DDX3Y: variants seen among roughly 807,000 people sequenced by gnomAD.
The protein encoded by DDX3Y is DEAD-box helicase 3 Y-linked.
Under a neutral mutation model 15.1 loss-of-function variants are expected in DDX3Y, and 2 were observed. The ratio of observed to expected loss-of-function variants is 0.13; its 90% confidence interval spans 0.05 to 0.42. DDX3Y has a LOEUF of 0.42. DDX3Y is among the 10% of genes least tolerant of loss of function. DDX3Y has a pLI of 0.99. For synonymous variants in DDX3Y, 47 were observed against 45.0 expected, an observed-to-expected ratio of 1.04 and a Z score of -0.18; for missense variants, 81 against 149.9, an observed-to-expected ratio of 0.54 and a Z score of 2.40.
chrY:12,909,222 T>A, intron 2 of DDX3Y, 138 bp from the exon 3 acceptor site: 1 of 165,656 alleles, frequency 6.0e-6, no homozygotes, highest in Non-Finnish European at 1.1e-5. Context: ...TTTTTTCCGC[T>A]CATCTTGCAA....
At position 12,918,416 on chromosome Y, in the gene DDX3Y, T is replaced by C; in HGVS notation, c.*294T>C. The stretch of plus-strand genomic sequence containing the variant: ...AATTTTGTGACTGAGGATCGTTTGT[T>C]TGTTAACGTACTGTGACTTTAACTT... On this transcript the variant is annotated 3_prime_UTR_variant, in exon 17 of 17. Coordinates refer to ENST00000336079, the MANE Select transcript of DDX3Y (RefSeq NM_004660.5). The C allele has an allele frequency of 1.9e-5, 1 of 51,780 alleles. No individual in the cohort carries two copies. Among genetic ancestry groups the C allele is most frequent in the Non-Finnish European group, 4.1e-5 (1 of 24,428 alleles). The allele number at this position is 51,780 out of a possible 400,897, so 12.9% of individuals were successfully genotyped here.
intron 3 of DDX3Y, among the ~76,000 whole-genome samples, chrY:12,911,101 G>T (rs2053626185): frequency 3.1e-5 from 1 of 32,110 alleles, no homozygotes; most frequent in African/African-American, 1.2e-4. Flanking sequence ...TTTTAGTAGA[G>T]ACGGGGTTTC....
Position 12,918,877 on chromosome Y carries a change from T to C in DDX3Y, c.*755T>C, listed in dbSNP as rs2053659095. The C allele has an allele frequency of 3.0e-5, 1 of 33,405 alleles. No homozygotes were observed. The highest frequency in any genetic ancestry group is 7.4e-5 in the Non-Finnish European group (1 of 13,558). 8.3% of individuals were successfully genotyped at this position (33,405 alleles called of 400,897 possible). On this transcript the variant is annotated 3_prime_UTR_variant, in exon 17 of 17. Coordinates refer to ENST00000336079, the MANE Select transcript of DDX3Y (RefSeq NM_004660.5). ...AATTTAAGTACAGCAATTTCTCATG[T>C]AATGTTTAGGGAGTTTATTCTAACC...
intron 1 of DDX3Y, 97 bp downstream of exon 1, chrY:12,905,078 T>G: frequency 3.9e-6 from 1 of 257,397 alleles, no homozygotes; most frequent in Non-Finnish European, 6.3e-6. Flanking sequence ...GTTTCACTTC[T>G]GGTGGGTTCG....
intron 1 of DDX3Y, 115 bp downstream of exon 1, chrY:12,905,096 T>C: frequency 4.7e-6 from 1 of 212,132 alleles, no homozygotes; most frequent in South Asian, 3.7e-5. Context: ...TCGTGTGTTA[T>C]GTGACTGGGA....
At chrY:12,915,267 A>G in intron 10 of DDX3Y, 40 bp downstream of exon 10, 1 of 374,487 alleles carries the variant, frequency 2.7e-6, no homozygotes, top group Non-Finnish European at 3.8e-6. Flanking sequence ...CTATTTCTGT[A>G]TTAAAAGTTG....
Position 12,904,925 on chromosome Y carries a change from T to C in DDX3Y, c.-12T>C. 1 of 397,290 alleles carries C rather than the reference T, an allele frequency of 2.5e-6. No homozygotes were observed. ...TACAGTGGACTACCCGATTTTTCGC[T>C]TCTCTTCAGGGATGAGTCATGTGGT... On this transcript the variant is annotated 5_prime_UTR_variant, in exon 1 of 17. Transcript: ENST00000336079.
Position 12,917,501 on chromosome Y carries a change from G to C in DDX3Y, c.1862G>C (p.Ser621Thr), listed in dbSNP as rs200975071. 7.9e-4 allele frequency: 312 copies of C among 395,647 alleles called. No individual in the cohort carries two copies. The highest frequency in any genetic ancestry group is 1.0e-3 in the Non-Finnish European group (289 of 282,670). ...FGASRGSSSR[S>T]GGGGYGNSRG... ...GCTAGTCGCGGAAGCAGCAGCCGCA[G>C]TGGTGGAGGTGGTTACGGCAACAGC... Residue 621 changes from serine to threonine, a missense_variant, in exon 16 of 17, where the codon AGT becomes ACT. Transcript: ENST00000336079.
Position 12,909,353 on chromosome Y carries a change from C to T in DDX3Y, c.104-7C>T. 2.6e-6 allele frequency: 1 copy of T among 391,093 alleles called. No individual in the cohort carries two copies. ...ATAGGCTTCTAATTTTACATTTTCTCTTTTAGAAGGGCGCTATATACCTCC... is the reference window on the plus strand; with the variant it reads ...ATAGGCTTCTAATTTTACATTTTCTTTTTTAGAAGGGCGCTATATACCTCC... On this transcript the variant is annotated splice_region_variant and splice_polypyrimidine_tract_variant and intron_variant, in intron 2 of 16. Transcript: ENST00000336079.
intron 1 of DDX3Y, among the ~76,000 whole-genome samples, chrY:12,906,957 A>G (rs1603206246): frequency 3.1e-5 from 1 of 32,370 alleles, no homozygotes; most frequent in East Asian, 7.9e-4. Context: ...AATAAATGCT[A>G]CCATCTCCAT....
At chrY:12,906,144 G>A (rs2053610864) in intron 1 of DDX3Y, among the ~76,000 whole-genome samples, 1 of 33,321 alleles carries the variant, frequency 3.0e-5, no homozygotes, top group Non-Finnish European at 7.4e-5. Context: ...AACCTACCGC[G>A]CTTTTGCATT....
chrY:12,914,433 A>T (rs956217118), intron 7 of DDX3Y, 131 bp from the exon 8 acceptor site: 4 of 161,261 alleles, frequency 2.5e-5, no homozygotes, highest in Non-Finnish European at 3.5e-5. Context: ...TAGGTTTGCC[A>T]TATAAATTTA....
At chrY:12,907,671 A>C in intron 2 of DDX3Y, 77 bp downstream of exon 2, 1 of 168,356 alleles carries the variant, frequency 5.9e-6, no homozygotes, top group Non-Finnish European at 9.6e-6. Flanking sequence ...GTTAATTTTA[A>C]ATTTACATTT....
In DDX3Y at chrY:12,920,028, G is replaced by A; in HGVS notation, c.*1906G>A. 3.0e-5 allele frequency: 1 copy of A among 33,629 alleles called. No individual in the cohort carries two copies. Among genetic ancestry groups the A allele is most frequent in the Admixed American group, 2.7e-4 (1 of 3,648 alleles). 8.4% of individuals were successfully genotyped at this position (33,629 alleles called of 400,897 possible). ...TTTTAATGTTAAGTCTGTTAAACTT[G>A]AGTCAAATTAAGCAGACCCGGCATT... On this transcript the variant is annotated 3_prime_UTR_variant, in exon 17 of 17. Coordinates refer to ENST00000336079, the MANE Select transcript of DDX3Y (RefSeq NM_004660.5).
intron 2 of DDX3Y, among the ~76,000 whole-genome samples, chrY:12,908,497 T>C: frequency 2.9e-5 from 1 of 34,457 alleles, no homozygotes; most frequent in Non-Finnish European, 7.3e-5. Flanking sequence ...GAGGTTTAGT[T>C]CAAATTTGGA....
chrY:12,910,586 T>C, intron 3 of DDX3Y, among the ~76,000 whole-genome samples: 1 of 33,242 alleles, frequency 3.0e-5, no homozygotes, highest in Non-Finnish European at 7.4e-5. Flanking sequence ...ATTACATAGT[T>C]ACTTTTGGAC....
chrY:12,909,611 G>A (rs9786025), intron 3 of DDX3Y: 11,550 of 96,651 alleles, frequency 0.12, no homozygotes, highest in African/African-American at 0.69. Flanking sequence ...GGCAAACTGA[G>A]CCCAAAGAAT....
chrY:12,915,331 C>T (rs2053643089), intron 10 of DDX3Y, 104 bp downstream of exon 10: 2 of 283,134 alleles, frequency 7.1e-6, no homozygotes, highest in African/African-American at 1.5e-4. Flanking sequence ...ATTTAATTTT[C>T]TACATAGTTT....
At chrY:12,910,701 T>C in intron 3 of DDX3Y, among the ~76,000 whole-genome samples, 2 of 33,338 alleles carry the variant, frequency 6.0e-5, no homozygotes, top group Non-Finnish European at 1.5e-4. Flanking sequence ...CTGTTTCTTT[T>C]TGGTGTTACT....
Sources: gnomAD v4.1 joint callset for allele counts (sites outside exome capture counted in the v4.1 genomes callset) on GRCh38, gnomAD v4.1.1 for gene constraint, MANE v1.5 for transcripts, NCBI Gene and HGNC (gene_info 2026-07-23, HGNC 2026-07-21) for gene names.